DIP2C: variants seen among roughly 807,000 people sequenced by gnomAD.
DIP2C encodes disco-interacting protein 2 homolog C.
In DIP2C, 33 loss-of-function variants were observed where a neutral mutation model predicts 192.4. The ratio of observed to expected loss-of-function variants is 0.17; its 90% confidence interval spans 0.13 to 0.23. The LOEUF (loss-of-function observed/expected upper bound fraction) is 0.23. Ranked by LOEUF, DIP2C falls within the 10% of genes least tolerant of loss-of-function variation. DIP2C has a pLI of 1.00. For missense variants in DIP2C, 1,537 were observed against 2,110.1 expected (o/e 0.73, Z 5.32); for synonymous variants, 979 against 864.1 (o/e 1.13, Z -2.33).
intron 2 of DIP2C, among the ~76,000 whole-genome samples, chr10:473,546 G>C (rs1381945209): frequency 6.7e-6 from 1 of 149,954 alleles, no homozygotes; most frequent in Non-Finnish European, 1.5e-5. Context: ...CAGGAAGGAC[G>C]TCATCCTATG....
At position 345,071 on chromosome 10, in the gene DIP2C, A is replaced by G. The variant is rs755987143; in HGVS notation, c.3271T>C (p.Cys1091Arg). Residue 1091 changes from cysteine (C) to arginine (R), a missense_variant, in exon 27 of 37, where the codon TGT (cysteine) becomes CGT (arginine). By Grantham distance (180) the Cys-to-Arg change is radical (BLOSUM62 -3). This residue lies in a region of DIP2C where 677 missense variants were observed against 989.9 expected (regional missense o/e 0.68). Coordinates refer to ENST00000280886, the MANE Select transcript of DIP2C (RefSeq NM_014974.3). ...GCCTCCCTGGACCGCAGCAACTTAC[A>G]GATCAGCTGTGTCGTCATCAGACAG... is the stretch of plus-strand genomic sequence containing the variant. Reference protein sequence around the residue: ...SACLMTTQLICKLLRSREAAA... With the variant: ...SACLMTTQLIRKLLRSREAAA... 1 of 1,613,622 alleles carries G rather than the reference A, an allele frequency of 6.2e-7. No individual in the cohort carries two copies. Among genetic ancestry groups the G allele is most frequent in the Non-Finnish European group, 8.5e-7 (1 of 1,179,962 alleles).
At chr10:655,491 C>T (rs1412455128) in intron 1 of DIP2C, among the ~76,000 whole-genome samples, 6 of 151,810 alleles carry the variant, frequency 4.0e-5, no homozygotes, top group African/African-American at 7.3e-5. Flanking sequence ...TTCCACACTA[C>T]GCTACGTAAT....
chr10:618,170 C>G (rs1253233014), intron 1 of DIP2C, among the ~76,000 whole-genome samples: 1 of 152,260 alleles, frequency 6.6e-6, no homozygotes, highest in Non-Finnish European at 1.5e-5. Context: ...AGTTACACAT[C>G]TGCCAAGTTG....
At chr10:340,457 G>A (rs978443640) in intron 29 of DIP2C, among the ~76,000 whole-genome samples, 1 of 152,090 alleles carries the variant, frequency 6.6e-6, no homozygotes, top group Non-Finnish European at 1.5e-5. Flanking sequence ...CATGCTCTAT[G>A]CTTACTTGCT....
At chr10:387,626 T>G (rs1246157614) in intron 14 of DIP2C, 119 bp downstream of exon 14, 15 of 580,894 alleles carry the variant, frequency 2.6e-5, no homozygotes, top group African/African-American at 8.9e-5. Flanking sequence ...GGACAGACAG[T>G]GTGGGGAGGG....
chr10:545,165 C>CTTTTTT (rs1564836000), intron 1 of DIP2C, among the ~76,000 whole-genome samples: 2 of 91,890 alleles, frequency 2.2e-5, no homozygotes, highest in African/African-American at 1.1e-4. Context: ...TGGTGTTTTC[C>CTTTTTT]CTTTTTTTTT....
At chr10:305,459 G>A (rs1956273010) in intron 32 of DIP2C, among the ~76,000 whole-genome samples, 1 of 152,062 alleles carries the variant, frequency 6.6e-6, no homozygotes, top group Admixed American at 6.5e-5. Flanking sequence ...TCTATTCTGT[G>A]GCCCCTGCTC....
rs1185076582 is a variant in DIP2C, at chr10:678,647, C to A, written c.85+10847G>T. Reference sequence around the variant, plus strand: ...CTCTGCTCCCCATGTCCATGCTCCCCGCACCTGTCCTCCCTGTGCCCAGCT... The same window carrying A: ...CTCTGCTCCCCATGTCCATGCTCCCAGCACCTGTCCTCCCTGTGCCCAGCT... On this transcript the variant is annotated intron_variant, in intron 1 of 36. Transcript: ENST00000280886. 1.7e-3 allele frequency among the ~76,000 whole-genome samples: 107 copies of A among 63,306 alleles called. 1 individual carries two copies. The highest frequency in any genetic ancestry group is 5.0e-3 in the African/African-American group (100 of 19,924). 41.5% of individuals were successfully genotyped at this position (63,306 alleles called of 152,430 possible). A position where few individuals can be genotyped will look rare whatever the true frequency, so the allele number is the denominator to read the frequency against.
intron 10 of DIP2C, among the ~76,000 whole-genome samples, chr10:396,051 T>C (rs1268816406): frequency 6.6e-6 from 1 of 152,152 alleles, no homozygotes; most frequent in Non-Finnish European, 1.5e-5. Context: ...GGGGGACTGT[T>C]GGGTCCTCCT....
At chr10:472,591 T>C in intron 2 of DIP2C, 42 bp from the exon 3 acceptor site, 1 of 1,514,168 alleles carries the variant, frequency 6.6e-7, no homozygotes, top group East Asian at 2.3e-5. Flanking sequence ...GTGACTGTAC[T>C]CAGCGGAGTC....
chr10:303,984 G>T (rs555491343), intron 32 of DIP2C, among the ~76,000 whole-genome samples: 1 of 152,162 alleles, frequency 6.6e-6, no homozygotes, highest in South Asian at 2.1e-4. Flanking sequence ...GCACAGAGCC[G>T]TCATCTTCTG....
At chr10:423,071 C>G (rs1966317159) in intron 4 of DIP2C, 38 bp from the exon 5 acceptor site, 1 of 1,534,832 alleles carries the variant, frequency 6.5e-7, no homozygotes, top group Non-Finnish European at 8.8e-7. Flanking sequence ...TATGTTGCAG[C>G]AAAAACGTGC....
At chr10:444,102 G>A (rs932250552) in intron 3 of DIP2C, among the ~76,000 whole-genome samples, 6 of 152,176 alleles carry the variant, frequency 3.9e-5, no homozygotes, top group African/African-American at 1.2e-4. Flanking sequence ...CCTGAGACTC[G>A]TGTAGATTCC....
At chr10:296,932 A>G (rs1206802730) in intron 32 of DIP2C, among the ~76,000 whole-genome samples, 1 of 150,746 alleles carries the variant, frequency 6.6e-6, no homozygotes, top group African/African-American at 2.4e-5. Context: ...AGATATACCT[A>G]ATGTAAATGA....
In DIP2C at chr10:588,866, T is replaced by TA. The variant is rs1851241641; in HGVS notation, c.85+100627dup. 2.6e-5 allele frequency among the ~76,000 whole-genome samples: 4 copies of TA among 152,304 alleles called. No homozygotes were observed. In the South Asian group the frequency reaches 8.3e-4, roughly 32 times the overall value. The stretch of plus-strand genomic sequence containing the variant: ...TCAGCTTCTGTTTCTCTGGGGTAAA[T>TA]ACCCAGGAGTGGGGTCACCGGGCCC... On this transcript the variant is annotated intron_variant, in intron 1 of 36. Transcript: ENST00000280886.
chr10:334,271 C>T (rs571384779), intron 29 of DIP2C, among the ~76,000 whole-genome samples: 30 of 133,270 alleles, frequency 2.3e-4, no homozygotes, highest in Non-Finnish European at 3.7e-4. Context: ...CAAGCTACTG[C>T]ACTCCAGCCC....
At chr10:511,646 C>G (rs1297233448) in intron 1 of DIP2C, among the ~76,000 whole-genome samples, 3 of 790 alleles carry the variant, frequency 3.8e-3, no homozygotes, top group Non-Finnish European at 0.013. Context: ...CCTCCCCCCA[C>G]AAGTCAGTCA....
At chr10:529,309 TCA>T (rs1461553343) in intron 1 of DIP2C, among the ~76,000 whole-genome samples, 1 of 151,666 alleles carries the variant, frequency 6.6e-6, no homozygotes, top group African/African-American at 2.4e-5. Flanking sequence ...TAATTCCTAC[TCA>T]CAGAGCTGAA....
intron 1 of DIP2C, among the ~76,000 whole-genome samples, chr10:583,650 G>C (rs1247566832): frequency 6.6e-6 from 1 of 152,342 alleles, no homozygotes; most frequent in East Asian, 1.9e-4. Flanking sequence ...ACCGATCTGT[G>C]CACGCCAAGC....
Sources: allele counts gnomAD v4.1 joint callset (sites outside exome capture counted in the v4.1 genomes callset), GRCh38; gene constraint gnomAD v4.1.1; regional missense constraint gnomAD v4.1.1; transcripts MANE v1.5; gene names NCBI Gene and HGNC (gene_info 2026-07-23, HGNC 2026-07-21).